SGK3: variants seen among roughly 807,000 people sequenced by gnomAD.
The protein encoded by SGK3 is serum/glucocorticoid regulated kinase family member 3.
A neutral mutation model predicts 68.5 loss-of-function variants in SGK3; 47 were observed. The ratio of observed to expected loss-of-function variants is 0.69; its 90% CI spans 0.54 to 0.87. The LOEUF (loss-of-function observed/expected upper bound fraction) is 0.87, where lower values mean the gene tolerates loss of function less well. SGK3 is among the 40% of genes least tolerant of loss of function. The pLI is 0.00. For synonymous variants in SGK3, 181 were observed against 189.1 expected (o/e 0.96, Z 0.35); for missense variants, 479 against 575.5 (o/e 0.83, Z 1.72).
At position 66,840,981 on chromosome 8, in the gene SGK3, A is replaced by G. The variant is rs1349956209; in HGVS notation, c.892-43A>G. ...AAATTAACTGAAAAATTGTCAATTCATATTTATGCATTGTTTTATCTTACT... is the reference window on the plus strand; with the variant it reads ...AAATTAACTGAAAAATTGTCAATTCGTATTTATGCATTGTTTTATCTTACT... On this transcript the variant is annotated intron_variant, in intron 12 of 16. Coordinates refer to ENST00000521198, the MANE Select transcript of SGK3 (RefSeq NM_001033578.3). 8 of 1,413,328 alleles carry G rather than the reference A, an allele frequency of 5.7e-6. No homozygotes were observed. In the African/African-American group the frequency reaches 7.4e-5, roughly 13 times the overall value. The allele number at this position is 1,413,328 out of a possible 1,614,324, so 87.5% of individuals were successfully genotyped here. A position where few individuals can be genotyped will look rare whatever the true frequency, so the allele number is the denominator to read the frequency against.
rs141231963 is a variant in SGK3 at position 66,743,477 on chromosome 8, A to G, written c.-122+30644A>G. 2.0e-5 allele frequency among the ~76,000 whole-genome samples: 3 copies of G among 152,330 alleles called. No homozygotes were observed. The East Asian group carries it at 5.8e-4, about 29-fold the overall frequency. On this transcript the variant is annotated intron_variant, in intron 1 of 16. Transcript: ENST00000521198. ...AAATATTCCACCCTCCCCACTTCAT[A>G]TAGTAACTAGGGTGCTCCTTTGTCC...
chr8:66,727,436 A>C (rs1211964084), intron 1 of SGK3, among the ~76,000 whole-genome samples: 2 of 152,148 alleles, frequency 1.3e-5, no homozygotes, highest in African/African-American at 4.8e-5. Context: ...TGATTCTCTT[A>C]TTTAATAAAA....
chr8:66,730,551 T>C (rs1230319554), intron 1 of SGK3, among the ~76,000 whole-genome samples: 1 of 152,218 alleles, frequency 6.6e-6, no homozygotes, highest in African/African-American at 2.4e-5. Context: ...ACTCCTATGC[T>C]GTCTTCTAAG....
chr8:66,817,774 A>G (rs1260242676), intron 5 of SGK3, among the ~76,000 whole-genome samples: 1 of 152,214 alleles, frequency 6.6e-6, no homozygotes, highest in East Asian at 1.9e-4. Flanking sequence ...GCATATTGTC[A>G]GTGAATGACA....
chr8:66,768,492 A>C (rs1806398814), intron 1 of SGK3, among the ~76,000 whole-genome samples: 1 of 151,580 alleles, frequency 6.6e-6, no homozygotes, highest in Non-Finnish European at 1.5e-5. Flanking sequence ...TATTTTTGGT[A>C]GGTAAATAAT....
chr8:66,739,309 G>T (rs1805415359), intron 1 of SGK3, among the ~76,000 whole-genome samples: 1 of 152,164 alleles, frequency 6.6e-6, no homozygotes, highest in African/African-American at 2.4e-5. Context: ...ACCTGCTCTT[G>T]TGGGAAGTAA....
intron 1 of SGK3, among the ~76,000 whole-genome samples, chr8:66,750,948 C>T (rs543578397): frequency 1.9e-3 from 275 of 144,372 alleles, no homozygotes; most frequent in African/African-American, 6.6e-3. Flanking sequence ...CAGAGGTTTC[C>T]GTGAGCCAAG....
intron 13 of SGK3, among the ~76,000 whole-genome samples, chr8:66,841,963 T>A (rs1025330122): frequency 3.3e-5 from 5 of 152,210 alleles, no homozygotes; most frequent in Non-Finnish European, 7.3e-5. Context: ...TTCATCTTTA[T>A]CGTGGAGTAC....
chr8:66,732,969 T>C (rs529568140), intron 1 of SGK3, among the ~76,000 whole-genome samples: 3 of 152,358 alleles, frequency 2.0e-5, no homozygotes, highest in Admixed American at 1.3e-4. Flanking sequence ...TCCTATTGTA[T>C]AATAATGACC....
At chr8:66,724,057 G>T (rs1804902412) in intron 1 of SGK3, among the ~76,000 whole-genome samples, 1 of 152,028 alleles carries the variant, frequency 6.6e-6, no homozygotes, top group Non-Finnish European at 1.5e-5. Flanking sequence ...TCTGACTTTT[G>T]CTAACATTAA....
chr8:66,831,275 T>C lies in SGK3; in HGVS notation c.489T>C (p.Asp163=), dbSNP rs746250144. The change falls in exon 8 of 17, where the codon GAT becomes GAC. Residue 163 remains aspartate, a synonymous_variant. Coordinates refer to ENST00000521198, the MANE Select transcript of SGK3 (RefSeq NM_001033578.3). ...GNPHAKPTDF[D]FLKVIGKGSF... is the part of the protein sequence containing the mutation. ...TCAGTGCCAAACCAACTGACTTTGA[T>C]TTCTTAAAAGTTATTGGAAAAGGCA... 72 of 1,614,020 alleles carry C rather than the reference T, an allele frequency of 4.5e-5. No individual in the cohort carries two copies. The highest frequency in any genetic ancestry group is 6.1e-5 in the Non-Finnish European group (72 of 1,180,006).
At chr8:66,775,845 G>C (rs1262553092) in intron 1 of SGK3, among the ~76,000 whole-genome samples, 3 of 151,318 alleles carry the variant, frequency 2.0e-5, no homozygotes, top group African/African-American at 4.9e-5. Flanking sequence ...CGCAGACTTC[G>C]GAGCTAAAAT....
intron 1 of SGK3, among the ~76,000 whole-genome samples, chr8:66,742,915 T>C (rs1563604804): frequency 6.6e-6 from 1 of 152,216 alleles, no homozygotes; most frequent in Non-Finnish European, 1.5e-5. Context: ...CCATTTTCTC[T>C]GCTATGCCTT....
At chr8:66,737,993 C>T (rs998737230) in intron 1 of SGK3, among the ~76,000 whole-genome samples, 5 of 151,882 alleles carry the variant, frequency 3.3e-5, no homozygotes, top group Non-Finnish European at 5.9e-5. Context: ...TATAGTTCTA[C>T]CCTGCAGGTA....
chr8:66,840,187 G>GT (rs1244834298), intron 11 of SGK3, 24 bp from the exon 12 acceptor site: 7 of 1,594,774 alleles, frequency 4.4e-6, no homozygotes, highest in Non-Finnish European at 6.0e-6. Flanking sequence ...TCAGTTTTGC[G>GT]TTTCTTTCCT....
chr8:66,782,007 G>C (rs1033858438), intron 1 of SGK3, among the ~76,000 whole-genome samples: 3 of 152,190 alleles, frequency 2.0e-5, no homozygotes, highest in Non-Finnish European at 4.4e-5. Context: ...TTTAAAATCT[G>C]TTCTGCAGTG....
intron 16 of SGK3, among the ~76,000 whole-genome samples, chr8:66,857,799 ATG>A (rs111758415): frequency 0.05 from 6,671 of 133,668 alleles, 181 homozygotes; most frequent in African/African-American, 0.072. Context: ...GTGTGTGTGT[ATG>A]TGTGTGTGTG....
At chr8:66,813,001 C>G (rs1017541287) in intron 4 of SGK3, among the ~76,000 whole-genome samples, 16 of 152,208 alleles carry the variant, frequency 1.1e-4, no homozygotes, top group African/African-American at 3.9e-4. Context: ...TGCCTGTAAT[C>G]CCAGCACTTT....
intron 1 of SGK3, among the ~76,000 whole-genome samples, chr8:66,768,198 A>G (rs1236130969): frequency 6.6e-6 from 1 of 152,210 alleles, no homozygotes; most frequent in Non-Finnish European, 1.5e-5. Context: ...GATACATTAG[A>G]TATAAACCCA....
Sources: allele counts gnomAD v4.1 joint callset (sites outside exome capture counted in the v4.1 genomes callset), GRCh38; gene constraint gnomAD v4.1.1; transcripts MANE v1.5; gene names NCBI Gene and HGNC (gene_info 2026-07-23, HGNC 2026-07-21).